OCIAD2: variants seen among roughly 807,000 people sequenced by gnomAD.
OCIAD2 encodes the protein OCIA domain containing 2, also known as OCIA domain-containing protein 2.
Under a neutral mutation model 22.9 loss-of-function variants are expected in OCIAD2, and 29 were observed. The ratio of observed to expected loss-of-function variants is 1.27; its 90% CI spans 0.94 to 1.73. The LOEUF (loss-of-function observed/expected upper bound fraction) is 1.73. Ranked by LOEUF, OCIAD2 falls within the 40% of genes most tolerant of loss-of-function variation. OCIAD2 has a pLI of 0.00. For synonymous variants in OCIAD2, 67 were observed against 60.2 expected (o/e 1.11, Z -0.52); for missense variants, 189 against 180.3 (o/e 1.05, Z -0.28).
At chr4:48,893,844 T>C (rs1781237516) in intron 5 of OCIAD2, 162 bp downstream of exon 5, 1 of 357,594 alleles carries the variant, frequency 2.8e-6, no homozygotes, top group Non-Finnish European at 5.1e-6. Flanking sequence ...TTTTTATTTA[T>C]TTATTACTTT....
chr4:48,895,168 G>A lies in OCIAD2; in HGVS notation c.218-1115C>T, dbSNP rs114060109. Among the ~76,000 whole-genome samples the A allele has an allele frequency of 3.2e-3, 492 of 152,274 alleles. 2 individuals are homozygous for A. The highest frequency in any genetic ancestry group is 0.011 in the African/African-American group (473 of 41,540). On this transcript the variant is annotated intron_variant, in intron 4 of 6. Transcript: ENST00000508632. ...GCCTCCAGAAGAACACAGCTGGGGC[G>A]ACGCCTTGATTTTAGCCCAGTGAGA...
chr4:48,903,727 G>A (rs201278405), intron 2 of OCIAD2, among the ~76,000 whole-genome samples: 1 of 146,432 alleles, frequency 6.8e-6, no homozygotes, highest in Non-Finnish European at 1.5e-5. Context: ...CTCACTGCAA[G>A]CTCCGCCTCC....
At chr4:48,897,746 GGGTCACAGTAAA>G (rs746592095) in intron 4 of OCIAD2, 46 bp downstream of exon 4, 163 of 1,297,582 alleles carry the variant, frequency 1.3e-4, no homozygotes, top group Non-Finnish European at 2.8e-5. Context: ...GCTGCCAGGA[GGGTCACAGTAAA>G]CTGGGCTCTC....
chr4:48,896,033 AAAAC>A (rs1781294275), intron 4 of OCIAD2, among the ~76,000 whole-genome samples: 1 of 152,312 alleles, frequency 6.6e-6, no homozygotes, highest in South Asian at 2.1e-4. Context: ...CTCCATCTAA[AAAAC>A]AAACAAATAG....
intron 4 of OCIAD2, among the ~76,000 whole-genome samples, chr4:48,897,572 T>C (rs1781328916): frequency 6.6e-6 from 1 of 152,222 alleles, no homozygotes; most frequent in African/African-American, 2.4e-5. Flanking sequence ...TTAACAACCT[T>C]AATTCCATCT....
At chr4:48,896,077 T>C (rs1015568807) in intron 4 of OCIAD2, among the ~76,000 whole-genome samples, 1 of 152,116 alleles carries the variant, frequency 6.6e-6, no homozygotes, top group African/African-American at 2.4e-5. Flanking sequence ...TCCCCATAGA[T>C]GTCCCAGCCC....
At chr4:48,890,488 G>C (rs925421936) in intron 6 of OCIAD2, among the ~76,000 whole-genome samples, 4 of 152,112 alleles carry the variant, frequency 2.6e-5, no homozygotes, top group African/African-American at 9.7e-5. Flanking sequence ...TATGGAGTTA[G>C]ATTTGGACAC....
chr4:48,887,465 T>C (rs189612310), intron 6 of OCIAD2, among the ~76,000 whole-genome samples: 1 of 152,366 alleles, frequency 6.6e-6, no homozygotes, highest in African/African-American at 2.4e-5. Flanking sequence ...GTTCATATGG[T>C]TTTAGATCTA....
rs182941450 is a variant in OCIAD2 at position 48,898,598 on chromosome 4, A to C, written c.164-741T>G. On this transcript the variant is annotated intron_variant, in intron 3 of 6. Transcript: ENST00000508632. ...TTTCCAACTCAGAAATTCAGGAGTC[A>C]TACGTTACACATACTCTCCTATGTG... Among the ~76,000 whole-genome samples the C allele has an allele frequency of 3.7e-4, 56 of 152,310 alleles. No individual in the cohort carries two copies. The East Asian group carries it at 0.01, about 28-fold the overall frequency.
At chr4:48,904,083 A>C (rs1399521458) in intron 2 of OCIAD2, among the ~76,000 whole-genome samples, 1 of 151,516 alleles carries the variant, frequency 6.6e-6, no homozygotes, top group East Asian at 1.9e-4. Flanking sequence ...TGAAAAAAAT[A>C]AGATGACTGG....
chr4:48,888,577 G>A (rs554257603), intron 6 of OCIAD2, among the ~76,000 whole-genome samples: 2 of 152,262 alleles, frequency 1.3e-5, no homozygotes, highest in South Asian at 4.1e-4. Flanking sequence ...GGCCTTTTCT[G>A]CATCTATTGA....
intron 2 of OCIAD2, among the ~76,000 whole-genome samples, chr4:48,900,869 C>T (rs1022295539): frequency 6.6e-6 from 1 of 152,138 alleles, no homozygotes; most frequent in Admixed American, 6.5e-5. Context: ...GCTAGGATTA[C>T]AGGCGTAAGT....
At chr4:48,892,129 A>G (rs1486591756) in intron 6 of OCIAD2, among the ~76,000 whole-genome samples, 1 of 152,236 alleles carries the variant, frequency 6.6e-6, no homozygotes, top group East Asian at 1.9e-4. Context: ...TGTGTCCCCA[A>G]CACTAGTCTT....
chr4:48,897,760 T>TG (rs780372805), intron 4 of OCIAD2, 44 bp downstream of exon 4: 3 of 1,465,854 alleles, frequency 2.0e-6, no homozygotes, highest in Non-Finnish European at 2.9e-6. Flanking sequence ...CACAGTAAAC[T>TG]GGGCTCTCTG....
At chr4:48,903,890 C>T (rs1470412997) in intron 2 of OCIAD2, among the ~76,000 whole-genome samples, 1 of 151,824 alleles carries the variant, frequency 6.6e-6, no homozygotes, top group African/African-American at 2.4e-5. Context: ...CGTGATCCAC[C>T]CGCCTCGGCC....
intron 4 of OCIAD2, among the ~76,000 whole-genome samples, chr4:48,894,821 A>G (rs1781267004): frequency 6.6e-6 from 1 of 152,162 alleles, no homozygotes; most frequent in Non-Finnish European, 1.5e-5. Flanking sequence ...AAACAGTACA[A>G]CTCATGGTAG....
rs1262592986 is a variant in OCIAD2 at position 48,885,470 on chromosome 4, C to G, written c.*14G>C. On this transcript the variant is annotated 3_prime_UTR_variant, in exon 7 of 7. Transcript: ENST00000508632. ...CAGAGGTTTAAAAAACTTCGAAAGT[C>G]ACAGACACAGAATTTAGGAAGCTGA... 4.6e-6 allele frequency: 7 copies of G among 1,520,272 alleles called. No homozygotes were observed. Among genetic ancestry groups the G allele is most frequent in the Non-Finnish European group, 6.4e-6 (7 of 1,097,020 alleles). The allele number at this position is 1,520,272 out of a possible 1,614,324, so 94.2% of individuals were successfully genotyped here.
intron 5 of OCIAD2, 33 bp downstream of exon 5, chr4:48,893,973 C>T (rs1781240997): frequency 6.9e-7 from 1 of 1,444,902 alleles, no homozygotes; most frequent in Non-Finnish European, 9.3e-7. Flanking sequence ...TGAGCCACCA[C>T]ACTTGGCTTG....
chr4:48,885,659 T>C, intron 6 of OCIAD2, 94 bp from the exon 7 acceptor site: 3 of 725,258 alleles, frequency 4.1e-6, no homozygotes, highest in Non-Finnish European at 7.2e-6. Context: ...TTTAACATAA[T>C]CTTTTTAATA....
Sources: allele counts gnomAD v4.1 joint callset (sites outside exome capture counted in the v4.1 genomes callset), GRCh38; gene constraint gnomAD v4.1.1; transcripts MANE v1.5; gene names NCBI Gene and HGNC (gene_info 2026-07-23, HGNC 2026-07-21).